Variants in SPATA17 observed in about 807,000 individuals in gnomAD.
SPATA17 encodes the protein spermatogenesis associated 17.
Under a neutral mutation model 62.2 loss-of-function variants are expected in SPATA17, and 53 were observed. The ratio of observed to expected loss-of-function variants is 0.85; its 90% CI spans 0.68 to 1.07. The LOEUF is 1.07. Among genes scored for constraint, SPATA17 ranks in the 50% least tolerant of loss-of-function variants. The pLI, the probability that SPATA17 is intolerant of heterozygous loss-of-function variation, is 0.00. For missense variants in SPATA17, 466 were observed against 425.5 expected, an observed-to-expected ratio of 1.10 and a Z score of -0.84; for synonymous variants, 146 against 146.8, an observed-to-expected ratio of 0.99 and a Z score of 0.04.
At chr1:217,717,681 T>C (rs988376446) in intron 5 of SPATA17, among the ~76,000 whole-genome samples, 21 of 152,138 alleles carry the variant, frequency 1.4e-4, no homozygotes, top group African/African-American at 5.1e-4. Context: ...TTCTCTACCA[T>C]GTGATGCAGA....
rs567688931 is a variant in SPATA17, at chr1:217,841,426, C to T, written c.1006-21348C>T. Among the ~76,000 whole-genome samples, 44 of 151,794 alleles carry T rather than the reference C, an allele frequency of 2.9e-4. No individual in the cohort carries two copies. The East Asian group carries it at 8.2e-3, about 28-fold the overall frequency. On this transcript the variant is annotated intron_variant, in intron 9 of 10. Coordinates refer to ENST00000366933, the MANE Select transcript of SPATA17 (RefSeq NM_138796.4). The stretch of plus-strand genomic sequence containing the variant: ...ATTTTTAATACCTAGAAAAGTATGG[C>T]AAAATATATTGGTTGAAACTAGATG...
intron 1 of SPATA17, among the ~76,000 whole-genome samples, chr1:217,637,281 A>T (rs1483457482): frequency 6.6e-6 from 1 of 152,266 alleles, no homozygotes; most frequent in East Asian, 1.9e-4. Context: ...CATCTATATT[A>T]CTTGCCAAAT....
intron 5 of SPATA17, 26 bp downstream of exon 5, chr1:217,683,387 T>A: frequency 7.0e-7 from 1 of 1,437,424 alleles, no homozygotes; most frequent in Non-Finnish European, 9.8e-7. Context: ...ATCCATTCAC[T>A]AGGGAAAACT....
chr1:217,649,083 A>G (rs1670251584), intron 2 of SPATA17, 112 bp downstream of exon 2: 2 of 665,678 alleles, frequency 3.0e-6, no homozygotes, highest in Non-Finnish European at 4.8e-6. Context: ...TTTACTCATA[A>G]TGTAGTTGAT....
At chr1:217,639,690 AAG>A (rs1670013907) in intron 1 of SPATA17, among the ~76,000 whole-genome samples, 1 of 152,186 alleles carries the variant, frequency 6.6e-6, no homozygotes, top group Non-Finnish European at 1.5e-5. Context: ...CTCCTTAGGC[AAG>A]TTCAAAAGTT....
At chr1:217,766,382 G>A (rs1169796714) in intron 6 of SPATA17, among the ~76,000 whole-genome samples, 1 of 151,324 alleles carries the variant, frequency 6.6e-6, no homozygotes, top group Non-Finnish European at 1.5e-5. Context: ...TTGCCCTAAA[G>A]TTTGCAATAC....
chr1:217,810,301 A>G (rs1371422686), intron 9 of SPATA17, among the ~76,000 whole-genome samples: 2 of 152,212 alleles, frequency 1.3e-5, no homozygotes, highest in Non-Finnish European at 2.9e-5. Context: ...GAAGGCATAC[A>G]TACTTAAGAA....
At chr1:217,783,298 A>G (rs1279566989) in intron 8 of SPATA17, among the ~76,000 whole-genome samples, 1 of 151,864 alleles carries the variant, frequency 6.6e-6, no homozygotes, top group Non-Finnish European at 1.5e-5. Context: ...ATATACATGT[A>G]CACATAAAAT....
chr1:217,764,585 T>G (rs1235130660), intron 6 of SPATA17, among the ~76,000 whole-genome samples: 1 of 152,180 alleles, frequency 6.6e-6, no homozygotes, highest in African/African-American at 2.4e-5. Flanking sequence ...GGTAAATATA[T>G]AAGAACACAA....
intron 3 of SPATA17, among the ~76,000 whole-genome samples, chr1:217,655,524 T>C (rs1167985709): frequency 6.6e-6 from 1 of 152,184 alleles, no homozygotes; most frequent in African/African-American, 2.4e-5. Context: ...TAAACTTTTG[T>C]ATGCTAGGTT....
intron 6 of SPATA17, among the ~76,000 whole-genome samples, chr1:217,742,466 C>G (rs746863928): frequency 3.9e-5 from 6 of 152,154 alleles, no homozygotes; most frequent in Non-Finnish European, 4.4e-5. Context: ...TTCATGTTTT[C>G]TCTTTTAATT....
At chr1:217,859,898 GT>G (rs1433242431) in intron 9 of SPATA17, among the ~76,000 whole-genome samples, 1 of 151,862 alleles carries the variant, frequency 6.6e-6, no homozygotes, top group Non-Finnish European at 1.5e-5. Flanking sequence ...TCATAATTTT[GT>G]TGATTTTTGC....
At chr1:217,747,459 T>C (rs572207401) in intron 6 of SPATA17, among the ~76,000 whole-genome samples, 34 of 152,232 alleles carry the variant, frequency 2.2e-4, no homozygotes, top group Middle Eastern at 3.4e-3. Flanking sequence ...TCCTGGAGAT[T>C]AGAAAAATTA....
At chr1:217,730,199 A>G (rs994947609) in intron 5 of SPATA17, among the ~76,000 whole-genome samples, 1 of 151,964 alleles carries the variant, frequency 6.6e-6, no homozygotes, top group Non-Finnish European at 1.5e-5. Flanking sequence ...AAAGCAATGA[A>G]CAATGTCTTC....
chr1:217,720,676 CAT>C (rs1360457604), intron 5 of SPATA17, among the ~76,000 whole-genome samples: 1 of 152,072 alleles, frequency 6.6e-6, no homozygotes, highest in Non-Finnish European at 1.5e-5. Context: ...GACTTTTACA[CAT>C]AAACATAATT....
Position 217,743,474 on chromosome 1 carries a change from A to T in SPATA17, c.519+1376A>T, listed in dbSNP as rs531739930. Among the ~76,000 whole-genome samples the T allele has an allele frequency of 1.9e-3, 283 of 152,206 alleles. 3 individuals are homozygous for T. Among genetic ancestry groups the T allele is most frequent in the African/African-American group, 6.6e-3 (273 of 41,550 alleles). ...TCTGATATTTTATTTTTTACAATACAGTTGTTAATTTTAATAACTCTGAAC... is the reference window on the plus strand; with the variant it reads ...TCTGATATTTTATTTTTTACAATACTGTTGTTAATTTTAATAACTCTGAAC... On this transcript the variant is annotated intron_variant, in intron 6 of 10. Transcript: ENST00000366933.
chr1:217,646,960 TA>T (rs1670196681), intron 1 of SPATA17, among the ~76,000 whole-genome samples: 2 of 152,122 alleles, frequency 1.3e-5, no homozygotes, highest in Admixed American at 6.5e-5. Flanking sequence ...TACCAAGGAT[TA>T]AATGCCAGCT....
In SPATA17 at chr1:217,816,698, A is replaced by G. The variant is rs181437472; in HGVS notation, c.1005+14848A>G. 2.6e-5 allele frequency among the ~76,000 whole-genome samples: 4 copies of G among 152,210 alleles called. No individual in the cohort carries two copies. The East Asian group carries it at 7.7e-4, about 29-fold the overall frequency. The stretch of plus-strand genomic sequence containing the variant: ...AATGATATTGAAATATTAAGAAGTT[A>G]CTATCTTTTTGAGTGAGGTAATTAT... On this transcript the variant is annotated intron_variant, in intron 9 of 10. Coordinates refer to ENST00000366933, the MANE Select transcript of SPATA17 (RefSeq NM_138796.4).
intron 9 of SPATA17, among the ~76,000 whole-genome samples, chr1:217,847,314 T>G (rs1571841375): frequency 6.6e-6 from 1 of 152,194 alleles, no homozygotes. Flanking sequence ...CATATAGACA[T>G]TCCTTAGGAT....
Sources: gnomAD v4.1 joint callset for allele counts (sites outside exome capture counted in the v4.1 genomes callset) on GRCh38, gnomAD v4.1.1 for gene constraint, MANE v1.5 for transcripts, NCBI Gene and HGNC (gene_info 2026-07-23, HGNC 2026-07-21) for gene names.